Variants in SLC26A8 observed in about 807,000 individuals in gnomAD.
SLC26A8 encodes testis anion transporter 1.
A neutral mutation model predicts 105.0 loss-of-function variants in SLC26A8; 70 were observed. The observed-to-expected ratio is 0.67, with a 90% CI of 0.55 to 0.81. SLC26A8 has a LOEUF of 0.81. Among genes scored for constraint, SLC26A8 ranks in the 40% least tolerant of loss-of-function variants. The pLI, the probability that SLC26A8 is intolerant of heterozygous loss-of-function variation, is 0.00. For missense variants in SLC26A8, 998 were observed against 1,181.8 expected (o/e 0.84, Z 2.28); for synonymous variants, 415 against 438.3 (o/e 0.95, Z 0.66).
chr6:36,007,695 A>G (rs1436071427), intron 3 of SLC26A8, among the ~76,000 whole-genome samples: 1 of 152,210 alleles, frequency 6.6e-6, no homozygotes, highest in African/African-American at 2.4e-5. Flanking sequence ...CTGTCAAGAT[A>G]TGGTATTGGT....
intron 5 of SLC26A8, among the ~76,000 whole-genome samples, chr6:35,997,074 A>G (rs554584744): frequency 2.2e-4 from 33 of 151,908 alleles, no homozygotes; most frequent in African/African-American, 7.7e-4. Context: ...TTGAAAAGGT[A>G]AGATCAGGAG....
intron 2 of SLC26A8, among the ~76,000 whole-genome samples, chr6:36,017,802 G>C (rs570770955): frequency 2.1e-4 from 32 of 152,066 alleles, no homozygotes; most frequent in Admixed American, 1.6e-3. Context: ...AATACATGAA[G>C]AACTCCTATA....
chr6:36,016,946 C>T (rs1225207182), intron 2 of SLC26A8, among the ~76,000 whole-genome samples: 2 of 151,936 alleles, frequency 1.3e-5, no homozygotes, highest in Non-Finnish European at 2.9e-5. Flanking sequence ...CCAAAGCAAG[C>T]GGATCACTTG....
chr6:35,996,803 G>A (rs1761365073), intron 5 of SLC26A8, among the ~76,000 whole-genome samples: 1 of 152,142 alleles, frequency 6.6e-6, no homozygotes, highest in Non-Finnish European at 1.5e-5. Context: ...GGGAGGCCGA[G>A]GTGGGTGGAT....
chr6:35,965,711 A>T (rs1772485624), intron 11 of SLC26A8, among the ~76,000 whole-genome samples: 1 of 149,044 alleles, frequency 6.7e-6, no homozygotes. Flanking sequence ...AAAGAAAGAA[A>T]GAAACATTTT....
At chr6:36,008,219 A>G (rs1761749408) in intron 3 of SLC26A8, among the ~76,000 whole-genome samples, 1 of 152,002 alleles carries the variant, frequency 6.6e-6, no homozygotes, top group Admixed American at 6.6e-5. Context: ...GCTTGAGGCC[A>G]GGAGTTCTAG....
rs547194034 is a variant in SLC26A8, at chr6:35,982,144, C to T, written c.1002G>A (p.Thr334=). Residue 334 remains threonine, a synonymous_variant, in exon 8 of 20, where the codon ACG becomes ACA. Coordinates refer to ENST00000490799, the MANE Select transcript of SLC26A8 (RefSeq NM_052961.4). ...ACCTATAAGGAATCATGTCAATAAG[C>T]GTCTGGCTGGTTTCTGTGGCCATGC... ...KISMATETSQ[T]LIDMIPYSFL... is the part of the protein sequence containing the mutation. 1.4e-5 allele frequency: 23 copies of T among 1,614,062 alleles called. No individual in the cohort carries two copies. The highest frequency in any genetic ancestry group is 5.0e-5 in the Admixed American group (3 of 59,984).
intron 5 of SLC26A8, among the ~76,000 whole-genome samples, chr6:35,996,374 C>T (rs1761350887): frequency 6.6e-6 from 1 of 152,126 alleles, no homozygotes. Context: ...GTGATAGACT[C>T]TCAGAGGAAA....
In SLC26A8 at chr6:35,981,812, A is replaced by C. The variant is rs1773277284; in HGVS notation, c.1025+309T>G. Among the ~76,000 whole-genome samples the C allele has an allele frequency of 6.6e-6, 1 of 152,164 alleles. No homozygotes were observed. The highest frequency in any genetic ancestry group is 1.5e-5 in the Non-Finnish European group (1 of 68,032). On this transcript the variant is annotated intron_variant, in intron 8 of 19. Transcript: ENST00000490799. This position sits in a 1 kb window ranked among gnomAD's most constrained non-coding sequence, Gnocchi z 4.0. ...TCCACCCCTTGAGAATTAATCAGAG[A>C]GGTATAGTAGTTGAGAAGGCCTATC...
chr6:35,979,052 A>G (rs1416031366), intron 8 of SLC26A8, among the ~76,000 whole-genome samples: 1 of 128,206 alleles, frequency 7.8e-6, no homozygotes. Context: ...GAGTCTCACC[A>G]TGTTGCCCAG....
Position 35,955,535 on chromosome 6 carries a change from T to C in SLC26A8, c.1864-15A>G. ...GTGTAAAGAATCTGGGACGACAGAG[T>C]TAAGGGAGGGCTGTGGTAAGACACC... On this transcript the variant is annotated splice_polypyrimidine_tract_variant and intron_variant, in intron 16 of 19. Coordinates refer to ENST00000490799, the MANE Select transcript of SLC26A8 (RefSeq NM_052961.4). The C allele has an allele frequency of 6.2e-7, 1 of 1,610,542 alleles. No homozygotes were observed. Among genetic ancestry groups the C allele is most frequent in the Non-Finnish European group, 8.5e-7 (1 of 1,177,618 alleles).
intron 7 of SLC26A8, among the ~76,000 whole-genome samples, chr6:35,989,029 A>G (rs1773645650): frequency 6.6e-6 from 1 of 151,908 alleles, no homozygotes; most frequent in South Asian, 2.1e-4. Flanking sequence ...TTTAGTAGAG[A>G]TGGTGTTTCA....
chr6:36,019,869 G>A (rs551139019), intron 1 of SLC26A8, among the ~76,000 whole-genome samples, 160 bp from the exon 2 acceptor site: 4 of 152,264 alleles, frequency 2.6e-5, no homozygotes, highest in African/African-American at 7.2e-5. Context: ...AATTTTATGT[G>A]TATTCTTTTC....
chr6:35,951,307 G>A lies in SLC26A8; in HGVS notation c.2328C>T (p.Asp776=), dbSNP rs116555814. The A allele has an allele frequency of 3.9e-5, 63 of 1,614,044 alleles. No individual in the cohort carries two copies. The highest frequency in any genetic ancestry group is 1.5e-4 in the African/African-American group (11 of 74,972). ...ACAGCTGGGTCTTGGTGATGCCAGC[G>A]TCAAAGAAATCATTCCTCTCAAATG... The part of the protein sequence containing the change: ...VRAFERNDFF[D]AGITKTQLFL... Residue 776 remains aspartate, a synonymous_variant, in exon 19 of 20, where the codon GAC becomes GAT. Transcript: ENST00000490799.
At chr6:35,971,310 C>T (rs1044627371) in intron 10 of SLC26A8, among the ~76,000 whole-genome samples, 4 of 152,170 alleles carry the variant, frequency 2.6e-5, no homozygotes, top group African/African-American at 9.7e-5. Flanking sequence ...ACATCTCATG[C>T]ATGCTTTGTT....
chr6:35,972,342 G>A (rs1417406413), intron 10 of SLC26A8, among the ~76,000 whole-genome samples: 4 of 150,636 alleles, frequency 2.7e-5, no homozygotes, highest in African/African-American at 9.8e-5. Flanking sequence ...GCTGAAGTGA[G>A]AAGATCACTT....
intron 11 of SLC26A8, among the ~76,000 whole-genome samples, chr6:35,966,685 G>C (rs916315229): frequency 2.6e-5 from 4 of 152,164 alleles, no homozygotes; most frequent in Non-Finnish European, 4.4e-5. Context: ...TTTTGCAACT[G>C]TTCACAGTTT....
At chr6:36,007,497 C>A (rs1244840649) in intron 3 of SLC26A8, among the ~76,000 whole-genome samples, 1 of 152,098 alleles carries the variant, frequency 6.6e-6, no homozygotes, top group Non-Finnish European at 1.5e-5. Context: ...TGGAAGACAG[C>A]ATAATAAAGA....
intron 7 of SLC26A8, among the ~76,000 whole-genome samples, chr6:35,988,965 C>A (rs999633835): frequency 6.6e-6 from 1 of 151,456 alleles, no homozygotes; most frequent in Non-Finnish European, 1.5e-5. Flanking sequence ...CTCAGCCTCC[C>A]GAGTAGCTGG....
Sources: gnomAD v4.1 joint callset for allele counts (sites outside exome capture counted in the v4.1 genomes callset) on GRCh38, gnomAD v4.1.1 for gene constraint, Gnocchi (gnomAD v3.1) non-coding constraint, MANE v1.5 for transcripts, NCBI Gene and HGNC (gene_info 2026-07-23, HGNC 2026-07-21) for gene names.